TSHZ3: variants seen among roughly 807,000 people sequenced by gnomAD.
The protein encoded by TSHZ3 is teashirt zinc finger homeobox 3.
A neutral mutation model predicts 64.5 loss-of-function variants in TSHZ3; 10 were observed. The ratio of observed to expected loss-of-function variants is 0.16; its 90% CI spans 0.10 to 0.26. The LOEUF (loss-of-function observed/expected upper bound fraction) is 0.26. Ranked by LOEUF, TSHZ3 falls within the 10% of genes least tolerant of loss-of-function variation. The pLI is 1.00. For synonymous variants in TSHZ3, 608 were observed against 593.1 expected (o/e 1.03, Z -0.36); for missense variants, 1,242 against 1,421.7 (o/e 0.87, Z 2.03).
rs183034315 is a variant in TSHZ3, at chr19:31,262,398, G to T, written n.64-19523C>A. Among the ~76,000 whole-genome samples, 14 of 152,246 alleles carry T rather than the reference G, an allele frequency of 9.2e-5. No individual in the cohort carries two copies. In the East Asian group the frequency reaches 2.7e-3, roughly 29 times the overall value. On this transcript the variant is annotated intron_variant and non_coding_transcript_variant, in intron 1 of 6. Coordinates refer to the TSHZ3 transcript ENST00000651361. Reference sequence around the variant, plus strand: ...ATGTGATTTCACGAGCTGGGTAAATGCTACCATTTATGAATTCGAAGAGCT... The same window carrying T: ...ATGTGATTTCACGAGCTGGGTAAATTCTACCATTTATGAATTCGAAGAGCT...
At chr19:31,334,253 C>T (rs1177395899) in intron 1 of TSHZ3, among the ~76,000 whole-genome samples, 1 of 152,074 alleles carries the variant, frequency 6.6e-6, no homozygotes, top group Non-Finnish European at 1.5e-5. Context: ...TATTACACAC[C>T]CATAGTATTT....
downstream of TSHZ3, among the ~76,000 whole-genome samples, chr19:31,273,013 G>C (rs1976166337): frequency 6.6e-6 from 1 of 152,144 alleles, no homozygotes; most frequent in Non-Finnish European, 1.5e-5. Context: ...CGCGGAGTGC[G>C]ACTTTACAAC....
intron 5 of TSHZ3, among the ~76,000 whole-genome samples, chr19:31,203,889 G>C (rs983492858): frequency 6.6e-6 from 1 of 150,960 alleles, no homozygotes; most frequent in African/African-American, 2.4e-5. Flanking sequence ...CTGCTACAAA[G>C]AGCTTCCCAA....
intron 1 of TSHZ3, among the ~76,000 whole-genome samples, chr19:31,254,493 C>T (rs1301593715): frequency 6.6e-6 from 1 of 152,196 alleles, no homozygotes; most frequent in African/African-American, 2.4e-5. Flanking sequence ...ATATAAAACA[C>T]GCTGTGGCTC....
intron 1 of TSHZ3, among the ~76,000 whole-genome samples, chr19:31,335,225 C>T (rs933129956): frequency 3.3e-5 from 5 of 152,344 alleles, no homozygotes; most frequent in Non-Finnish European, 5.9e-5. Flanking sequence ...CCTTCCCCGA[C>T]GAACCGCCAC....
At chr19:31,305,335 G>A (rs1916264378) in intron 1 of TSHZ3, among the ~76,000 whole-genome samples, 1 of 149,060 alleles carries the variant, frequency 6.7e-6, no homozygotes, top group African/African-American at 2.5e-5. Flanking sequence ...AAAAAAAGCC[G>A]CGTGTCAGTT....
chr19:31,310,862 C>T (rs1916437539), intron 1 of TSHZ3, among the ~76,000 whole-genome samples: 1 of 152,224 alleles, frequency 6.6e-6, no homozygotes. Context: ...CAGTAAAGAA[C>T]AGTTATTTTG....
At chr19:31,343,997 ATTT>A (rs775136874) in intron 1 of TSHZ3, among the ~76,000 whole-genome samples, 4 of 152,234 alleles carry the variant, frequency 2.6e-5, no homozygotes, top group Non-Finnish European at 5.9e-5. Flanking sequence ...TTATATGACT[ATTT>A]TATGCATGTG....
intron 1 of TSHZ3, among the ~76,000 whole-genome samples, chr19:31,315,076 G>T (rs1029101536): frequency 1.3e-5 from 2 of 152,190 alleles, no homozygotes; most frequent in Admixed American, 6.5e-5. Flanking sequence ...CAGATCAAGG[G>T]AAGAAAGCAA....
chr19:31,314,316 A>G (rs1490317668), intron 1 of TSHZ3, among the ~76,000 whole-genome samples: 1 of 152,156 alleles, frequency 6.6e-6, no homozygotes, highest in Non-Finnish European at 1.5e-5. Flanking sequence ...CATGGGAGAG[A>G]GAGCGGGCGG....
intron 3 of TSHZ3, among the ~76,000 whole-genome samples, chr19:31,237,677 TA>T (rs1196557491): frequency 3.3e-5 from 5 of 152,186 alleles, no homozygotes. Flanking sequence ...GTCTATAAAA[TA>T]GAAACATCAA....
chr19:31,344,597 C>A (rs1406032573), intron 1 of TSHZ3, among the ~76,000 whole-genome samples: 4 of 152,226 alleles, frequency 2.6e-5, no homozygotes, highest in African/African-American at 7.2e-5. Context: ...CGCGGGCCTG[C>A]CTGCCTGCCT....
At position 31,345,669 on chromosome 19, in the gene TSHZ3, T is replaced by A. The variant is rs535525678; in HGVS notation, c.40+3511A>T. 3.4e-5 allele frequency among the ~76,000 whole-genome samples: 5 copies of A among 147,256 alleles called. No individual in the cohort carries two copies. In the East Asian group the frequency reaches 1.1e-3, roughly 32 times the overall value. On this transcript the variant is annotated intron_variant, in intron 1 of 1. Coordinates refer to ENST00000240587, the MANE Select transcript of TSHZ3 (RefSeq NM_020856.4). ...GCTGGCAAATTGTGGTTCGATGGTT[T>A]CTTTTTGTTTTTTGTTTGGTTTTTT...
chr19:31,232,696 T>C (rs926892544), intron 3 of TSHZ3, among the ~76,000 whole-genome samples: 1 of 152,194 alleles, frequency 6.6e-6, no homozygotes, highest in African/African-American at 2.4e-5. Flanking sequence ...CTCTTGCCTC[T>C]TAAAGTCAGT....
At chr19:31,234,496 A>G (rs1975581487) in intron 3 of TSHZ3, among the ~76,000 whole-genome samples, 1 of 152,224 alleles carries the variant, frequency 6.6e-6, no homozygotes, top group African/African-American at 2.4e-5. Context: ...ACCATTAACA[A>G]TGATGGTTGC....
chr19:31,278,317 G>A lies in TSHZ3; in HGVS notation c.1476C>T (p.Gly492=), dbSNP rs778054228. 2.3e-5 allele frequency: 37 copies of A among 1,613,974 alleles called. No individual in the cohort carries two copies. Among genetic ancestry groups the A allele is most frequent in the Non-Finnish European group, 2.9e-5 (34 of 1,180,036 alleles). ...DEKPKQKDKP[G]EEEEKCDISS... ...AGATGTCACACTTCTCCTCTTCTTC[G>A]CCAGGCTTGTCTTTTTGCTTAGGTT... Residue 492 remains glycine (G), a synonymous_variant, in exon 2 of 2, where the codon GGC becomes GGT. Coordinates refer to ENST00000240587, the MANE Select transcript of TSHZ3 (RefSeq NM_020856.4). This position sits in a 1 kb window ranked among gnomAD's most constrained non-coding sequence, Gnocchi z 4.7.
intron 1 of TSHZ3, among the ~76,000 whole-genome samples, chr19:31,244,794 C>T (rs1975739100): frequency 6.6e-6 from 1 of 152,114 alleles, no homozygotes; most frequent in Non-Finnish European, 1.5e-5. Flanking sequence ...CAGGCACATG[C>T]CACCACACTT....
intron 1 of TSHZ3, among the ~76,000 whole-genome samples, chr19:31,298,903 C>T (rs1976707406): frequency 6.6e-6 from 1 of 152,256 alleles, no homozygotes. Flanking sequence ...TCTTTAAAAG[C>T]GTGACACACA....
chr19:31,217,095 C>A (rs1036328228), intron 4 of TSHZ3, among the ~76,000 whole-genome samples: 3 of 152,106 alleles, frequency 2.0e-5, no homozygotes, highest in African/African-American at 4.8e-5. Context: ...CACCGCACCC[C>A]GCCCAGGAGG....
Sources: gnomAD v4.1 joint callset for allele counts (sites outside exome capture counted in the v4.1 genomes callset) on GRCh38, gnomAD v4.1.1 for gene constraint, Gnocchi (gnomAD v3.1) non-coding constraint, MANE v1.5 for transcripts, NCBI Gene and HGNC (gene_info 2026-07-23, HGNC 2026-07-21) for gene names.